The following MRTFA variants were observed in gnomAD, a reference collection of about 807,000 sequenced individuals.
MRTFA encodes the protein myocardin-related transcription factor A.
A neutral mutation model predicts 83.5 loss-of-function variants in MRTFA; 20 were observed. That is an observed-to-expected ratio of 0.24 (90% CI 0.17 to 0.35). The LOEUF is 0.35. Among genes scored for constraint, MRTFA ranks in the 10% least tolerant of loss-of-function variants. MRTFA has a pLI of 1.00. For synonymous variants in MRTFA, 659 were observed against 541.2 expected (o/e 1.22, Z -3.02); for missense variants, 1,200 against 1,224.7 (o/e 0.98, Z 0.30).
intron 9 of MRTFA, among the ~76,000 whole-genome samples, chr22:40,422,128 C>G (rs923171005): frequency 6.6e-6 from 1 of 151,244 alleles, no homozygotes; most frequent in Non-Finnish European, 1.5e-5. Flanking sequence ...GGAAGAAGTA[C>G]AGGCAGAGGC....
At chr22:40,600,661 A>T (rs971224735) in intron 1 of MRTFA, among the ~76,000 whole-genome samples, 1 of 152,186 alleles carries the variant, frequency 6.6e-6, no homozygotes, top group Non-Finnish European at 1.5e-5. Context: ...GTACCATAAC[A>T]TATGCAATAC....
intron 2 of MRTFA, among the ~76,000 whole-genome samples, chr22:40,577,436 T>C (rs1344845780): frequency 1.3e-5 from 2 of 151,624 alleles, no homozygotes; most frequent in African/African-American, 2.4e-5. Flanking sequence ...AATAATCAAA[T>C]GTAACAAGAT....
chr22:40,535,444 C>G (rs905946866), intron 3 of MRTFA, among the ~76,000 whole-genome samples: 8 of 147,642 alleles, frequency 5.4e-5, no homozygotes, highest in Non-Finnish European at 1.2e-4. Context: ...CCTCAACCTC[C>G]CAAGTTCAAG....
chr22:40,557,228 A>G (rs2055538127), intron 2 of MRTFA, among the ~76,000 whole-genome samples: 1 of 152,210 alleles, frequency 6.6e-6, no homozygotes, highest in African/African-American at 2.4e-5. Flanking sequence ...TGGATGACAC[A>G]AGGAAGACTG....
At chr22:40,443,756 C>T (rs540057325) in intron 4 of MRTFA, among the ~76,000 whole-genome samples, 7 of 152,290 alleles carry the variant, frequency 4.6e-5, no homozygotes, top group African/African-American at 1.7e-4. Context: ...TGCCCCAATA[C>T]CCTTGGCTGG....
intron 2 of MRTFA, among the ~76,000 whole-genome samples, chr22:40,593,041 C>T (rs2056143864): frequency 6.6e-6 from 1 of 152,134 alleles, no homozygotes; most frequent in Non-Finnish European, 1.5e-5. Flanking sequence ...TATTAACCTA[C>T]ACTGACCTCT....
At chr22:40,581,514 A>G (rs1292692455) in intron 2 of MRTFA, among the ~76,000 whole-genome samples, 3 of 152,174 alleles carry the variant, frequency 2.0e-5, no homozygotes, top group Non-Finnish European at 4.4e-5. Context: ...GAGATTTTAT[A>G]ATATTTGCAA....
chr22:40,424,955 G>A (rs1402419853), intron 7 of MRTFA, among the ~76,000 whole-genome samples: 2 of 152,228 alleles, frequency 1.3e-5, no homozygotes, highest in African/African-American at 4.8e-5. Flanking sequence ...GCTTCAGATG[G>A]AGGGTATCCC....
intron 1 of MRTFA, among the ~76,000 whole-genome samples, chr22:40,613,974 C>T (rs1310377325): frequency 2.0e-5 from 3 of 150,550 alleles, no homozygotes; most frequent in South Asian, 2.1e-4. Context: ...CCGAGGCGGG[C>T]GGATCACCTG....
chr22:40,502,192 C>G (rs2054499761), intron 3 of MRTFA, among the ~76,000 whole-genome samples: 1 of 145,428 alleles, frequency 6.9e-6, no homozygotes, highest in African/African-American at 2.6e-5. Context: ...GACGGGGTGG[C>G]TGCCGGGCGG....
At chr22:40,438,746 G>A (rs1014734205) in intron 4 of MRTFA, among the ~76,000 whole-genome samples, 3 of 151,738 alleles carry the variant, frequency 2.0e-5, no homozygotes, top group Admixed American at 6.6e-5. Flanking sequence ...TTTACACATC[G>A]AATTTTGTCA....
At chr22:40,435,646 T>C in intron 4 of MRTFA, 92 bp from the exon 5 acceptor site, 1 of 1,442,242 alleles carries the variant, frequency 6.9e-7, no homozygotes, top group African/African-American at 1.4e-5. Context: ...TAAATTCATG[T>C]TACTGGCTGG....
At position 40,431,391 on chromosome 22, in the gene MRTFA, T is replaced by A; in HGVS notation, c.439+14A>T. On this transcript the variant is annotated intron_variant, in intron 6 of 14. Transcript: ENST00000355630. The stretch of plus-strand genomic sequence containing the variant: ...AACTGGATCTAGATGGAAAAGCAAT[T>A]CCAATCTCCACACCTTCCAAAATGT... The A allele has an allele frequency of 6.2e-7, 1 of 1,613,240 alleles. No homozygotes were observed. The highest frequency in any genetic ancestry group is 8.5e-7 in the Non-Finnish European group (1 of 1,179,270).
At chr22:40,513,589 G>A (rs1309102265) in intron 3 of MRTFA, among the ~76,000 whole-genome samples, 5 of 124,126 alleles carry the variant, frequency 4.0e-5, no homozygotes, top group Non-Finnish European at 4.9e-5. Flanking sequence ...CAACAAGAGC[G>A]AAGACTCCAT....
chr22:40,600,444 G>C (rs145155384), intron 1 of MRTFA, among the ~76,000 whole-genome samples: 1 of 152,232 alleles, frequency 6.6e-6, no homozygotes, highest in African/African-American at 2.4e-5. Context: ...AGATTTTAAA[G>C]AACAGTTAAG....
At chr22:40,614,095 G>A (rs1308231327) in intron 1 of MRTFA, among the ~76,000 whole-genome samples, 1 of 151,408 alleles carries the variant, frequency 6.6e-6, no homozygotes, top group African/African-American at 2.4e-5. Context: ...CCAGCTACTC[G>A]GGAGGCTGAG....
chr22:40,608,936 A>G (rs993125574), intron 1 of MRTFA, among the ~76,000 whole-genome samples: 1 of 152,226 alleles, frequency 6.6e-6, no homozygotes, highest in African/African-American at 2.4e-5. Flanking sequence ...ACTGTTATCA[A>G]ATAAACAAGT....
intron 4 of MRTFA, 57 bp downstream of exon 4, chr22:40,463,164 G>T: frequency 6.9e-7 from 1 of 1,439,868 alleles, no homozygotes; most frequent in Non-Finnish European, 9.8e-7. Flanking sequence ...CATACTCGGT[G>T]AACACAGCCA....
intron 3 of MRTFA, among the ~76,000 whole-genome samples, chr22:40,465,747 T>G (rs989654319): frequency 2.0e-5 from 3 of 151,194 alleles, no homozygotes; most frequent in Admixed American, 2.0e-4. Flanking sequence ...TTTTTTTTTG[T>G]AGATACAGGG....
Sources: gnomAD v4.1 joint callset for allele counts (sites outside exome capture counted in the v4.1 genomes callset) on GRCh38, gnomAD v4.1.1 for gene constraint, MANE v1.5 for transcripts, NCBI Gene and HGNC (gene_info 2026-07-23, HGNC 2026-07-21) for gene names.